Variants in RASSF3 observed in about 807,000 individuals in gnomAD.
RASSF3 encodes the protein Ras association domain family member 3, also known as ras association domain-containing protein 3.
In RASSF3, 19 loss-of-function variants were observed where a neutral mutation model predicts 19.9. That is an observed-to-expected ratio of 0.96 (90% CI 0.67 to 1.40). RASSF3 has a LOEUF of 1.40. RASSF3 is among the 40% of genes most tolerant of loss of function. The probability of loss-of-function intolerance (pLI) is 0.00; values close to 1 mark genes in which losing one functional copy is unlikely to be tolerated. For missense variants in RASSF3, 306 were observed against 289.8 expected, an observed-to-expected ratio of 1.06 and a Z score of -0.41; for synonymous variants, 110 against 104.2, an observed-to-expected ratio of 1.06 and a Z score of -0.34.
At chr12:64,611,629 C>G (rs990692832) in intron 1 of RASSF3, 3 of 152,282 alleles carry the variant, frequency 2.0e-5, no homozygotes, top group African/African-American at 7.2e-5. Context: ...CCCGGCCACG[C>G]TCACATCAGA....
At chr12:64,670,887 CG>C (rs1872681380) in intron 1 of RASSF3, among the ~76,000 whole-genome samples, 1 of 152,200 alleles carries the variant, frequency 6.6e-6, no homozygotes, top group African/African-American at 2.4e-5. Context: ...CGGATAGACC[CG>C]GGTAGGAACC....
chr12:64,536,053 C>A (rs1462648770), intron 1 of RASSF3, among the ~76,000 whole-genome samples: 3 of 130,736 alleles, frequency 2.3e-5, no homozygotes, highest in Non-Finnish European at 4.7e-5. Flanking sequence ...GGCTGGAGTG[C>A]AGTGGCACAA....
At chr12:64,586,342 T>G (rs1212178425) in intron 2 of RASSF3, among the ~76,000 whole-genome samples, 7 of 149,082 alleles carry the variant, frequency 4.7e-5, no homozygotes, top group African/African-American at 1.7e-4. Context: ...AAAAAAAAAT[T>G]AGCTGGGCAT....
At position 64,520,018 on chromosome 12, in the gene RASSF3, T is replaced by C. The variant is rs556140476; in HGVS notation, c.169+12689T>C. ...GTCTGTCAAATGGGGATAATAATAG[T>C]ACTACTGTTGCAGGCTTCCTCCATG... is the stretch of plus-strand genomic sequence containing the variant. On this transcript the variant is annotated intron_variant, in intron 1 of 5. Transcript: ENST00000637125. 2.6e-5 allele frequency among the ~76,000 whole-genome samples: 4 copies of C among 152,252 alleles called. No homozygotes were observed. The South Asian group carries it at 8.3e-4, about 32-fold the overall frequency.
At chr12:64,570,842 T>C (rs550589700) in intron 2 of RASSF3, among the ~76,000 whole-genome samples, 164 of 152,320 alleles carry the variant, frequency 1.1e-3, no homozygotes, top group Non-Finnish European at 1.9e-3. Context: ...TGAAGTGTCC[T>C]ACCCTGCTCC....
chr12:64,612,162 AG>A (rs1286920732), intron 1 of RASSF3, among the ~76,000 whole-genome samples: 2 of 152,126 alleles, frequency 1.3e-5, no homozygotes, highest in Non-Finnish European at 2.9e-5. Context: ...CCTGGGTTGT[AG>A]AAAAATTGCA....
intron 1 of RASSF3, among the ~76,000 whole-genome samples, chr12:64,515,325 G>A (rs929393088): frequency 2.6e-5 from 4 of 152,172 alleles, no homozygotes; most frequent in Non-Finnish European, 5.9e-5. Flanking sequence ...CCAAAGGCAT[G>A]ATTACAGGCA....
chr12:64,674,098 G>A (rs908979687), intron 1 of RASSF3, among the ~76,000 whole-genome samples: 6 of 152,074 alleles, frequency 3.9e-5, no homozygotes, highest in South Asian at 4.1e-4. Flanking sequence ...TCCTGCTTTC[G>A]CTGCCCCAGG....
At chr12:64,649,989 C>G (rs1871881991) in intron 1 of RASSF3, among the ~76,000 whole-genome samples, 1 of 152,204 alleles carries the variant, frequency 6.6e-6, no homozygotes, top group Admixed American at 6.5e-5. Context: ...GTTATGATTC[C>G]CTCTGAACTG....
At chr12:64,633,836 A>G (rs1412000813) in intron 1 of RASSF3, among the ~76,000 whole-genome samples, 1 of 152,134 alleles carries the variant, frequency 6.6e-6, no homozygotes, top group African/African-American at 2.4e-5. Context: ...ATTTGACCAA[A>G]ATGCTGATAG....
At chr12:64,553,593 T>G (rs1290362550) in intron 2 of RASSF3, among the ~76,000 whole-genome samples, 1 of 152,190 alleles carries the variant, frequency 6.6e-6, no homozygotes, top group Non-Finnish European at 1.5e-5. Context: ...TCAGGCAACC[T>G]GACTTCCTTT....
intron 1 of RASSF3, among the ~76,000 whole-genome samples, chr12:64,619,786 C>T (rs1565851562): frequency 6.6e-6 from 1 of 151,950 alleles, no homozygotes; most frequent in Non-Finnish European, 1.5e-5. Flanking sequence ...TCAAGACTAA[C>T]CTGGCCAATA....
intron 1 of RASSF3, among the ~76,000 whole-genome samples, chr12:64,511,234 AC>A (rs1450268311): frequency 2.6e-5 from 4 of 152,222 alleles, no homozygotes; most frequent in Non-Finnish European, 4.4e-5. Flanking sequence ...CTTATGTAAA[AC>A]CCTGTTTAAG....
At chr12:64,645,913 A>G (rs1565859810) in intron 1 of RASSF3, among the ~76,000 whole-genome samples, 1 of 152,196 alleles carries the variant, frequency 6.6e-6, no homozygotes, top group Non-Finnish European at 1.5e-5. Context: ...GCCCTTGGCT[A>G]GAACCACTAG....
chr12:64,525,171 G>A (rs1478247055), intron 1 of RASSF3, among the ~76,000 whole-genome samples: 2 of 152,166 alleles, frequency 1.3e-5, no homozygotes, highest in Non-Finnish European at 2.9e-5. Flanking sequence ...AGCTACTCGG[G>A]AGGCTGAGGC....
chr12:64,623,031 G>C (rs1355103751), intron 1 of RASSF3, among the ~76,000 whole-genome samples: 2 of 151,936 alleles, frequency 1.3e-5, no homozygotes, highest in Non-Finnish European at 2.9e-5. Flanking sequence ...ATGTTGGTCA[G>C]GCTGGTCTCG....
intron 1 of RASSF3, among the ~76,000 whole-genome samples, chr12:64,668,526 G>A (rs1872596934): frequency 6.6e-6 from 1 of 152,066 alleles, no homozygotes; most frequent in African/African-American, 2.4e-5. Flanking sequence ...GCCTGACTTA[G>A]GCTTCGAAAA....
intron 2 of RASSF3, among the ~76,000 whole-genome samples, chr12:64,580,792 T>C (rs1311076749): frequency 3.3e-5 from 5 of 152,052 alleles, no homozygotes; most frequent in Non-Finnish European, 7.4e-5. Flanking sequence ...TGGTATTCTC[T>C]TGTCTGTGTG....
In RASSF3 at chr12:64,604,464, A is replaced by C. The variant is rs115967276; in HGVS notation, c.294+62759A>C. Among the ~76,000 whole-genome samples, 915 of 151,642 alleles carry C rather than the reference A, an allele frequency of 6.0e-3. 9 individuals are homozygous for C. Among genetic ancestry groups the C allele is most frequent in the African/African-American group, 0.021 (869 of 41,346 alleles). On this transcript the variant is annotated intron_variant, in intron 2 of 5. Coordinates refer to the RASSF3 transcript ENST00000637125. ...CACCCCACATACTTAACAACCAAAC[A>C]CATTGCCTTTCAGTTATTATACCAT...
Sources: gnomAD v4.1 joint callset for allele counts (sites outside exome capture counted in the v4.1 genomes callset) on GRCh38, gnomAD v4.1.1 for gene constraint, MANE v1.5 for transcripts, NCBI Gene and HGNC (gene_info 2026-07-23, HGNC 2026-07-21) for gene names.